Variants in GART observed in about 807,000 individuals in gnomAD.
GART encodes the protein trifunctional purine biosynthetic protein adenosine-3.
GART carries 43 observed loss-of-function variants against 107.2 expected under a neutral mutation model. That is an observed-to-expected ratio of 0.40 (90% confidence interval 0.31 to 0.52). The LOEUF (loss-of-function observed/expected upper bound fraction) is 0.52, where lower values mean the gene tolerates loss of function less well. Ranked by LOEUF, GART falls within the 20% of genes least tolerant of loss-of-function variation. The pLI, the probability that GART is intolerant of heterozygous loss-of-function variation, is 0.52. For missense variants in GART, 1,107 were observed against 1,206.5 expected, an observed-to-expected ratio of 0.92 and a Z score of 1.22; for synonymous variants, 434 against 427.0, an observed-to-expected ratio of 1.02 and a Z score of -0.20.
chr21:33,521,877 T>TG (rs2084979179), intron 12 of GART, among the ~76,000 whole-genome samples: 1 of 149,180 alleles, frequency 6.7e-6, no homozygotes, highest in Admixed American at 6.7e-5. Flanking sequence ...GAGAATCGCT[T>TG]GAAATCAGGA....
chr21:33,514,542 A>G (rs2084843462), intron 16 of GART, among the ~76,000 whole-genome samples: 1 of 152,212 alleles, frequency 6.6e-6, no homozygotes, highest in African/African-American at 2.4e-5. Context: ...TAAAGCAGCT[A>G]TGATGGGAGT....
intron 18 of GART, among the ~76,000 whole-genome samples, chr21:33,507,613 A>G (rs1309004610): frequency 1.3e-5 from 2 of 152,176 alleles, no homozygotes; most frequent in African/African-American, 4.8e-5. Flanking sequence ...ACTGAGGTCA[A>G]GAGTTCAAGA....
intron 4 of GART, among the ~76,000 whole-genome samples, chr21:33,533,758 A>C (rs1312665208): frequency 2.0e-5 from 3 of 152,054 alleles, no homozygotes; most frequent in Non-Finnish European, 4.4e-5. Flanking sequence ...TATAAAAACT[A>C]GCTGGGAGTA....
intron 14 of GART, 84 bp from the exon 15 acceptor site, chr21:33,517,692 A>C (rs528566554): frequency 7.4e-7 from 1 of 1,347,468 alleles, no homozygotes; most frequent in Non-Finnish European, 1.0e-6. Context: ...TCTTAACATG[A>C]ACAACTAACA....
At chr21:33,534,789 G>T in intron 3 of GART, 36 bp from the exon 4 acceptor site, 1 of 1,518,730 alleles carries the variant, frequency 6.6e-7, no homozygotes, top group South Asian at 1.3e-5. Context: ...GTGAACCAAG[G>T]TCTCCCCAGG....
chr21:33,524,983 C>T lies in GART; in HGVS notation c.1084G>A (p.Ala362Thr), dbSNP rs2085044161. Residue 362 changes from alanine to threonine, a missense_variant, in exon 11 of 22, where the codon GCT becomes ACT. Coordinates refer to ENST00000381815, the MANE Select transcript of GART (RefSeq NM_000819.5). ...GCATGGAACACCTCCAGTCCTAGAG[C>T]TTGAGCCTCAGGAAACCCTAGAAGA... ...VEITGFPEAQ[A>T]LGLEVFHAGT... is the part of the protein sequence containing the mutation. 6.2e-7 allele frequency: 1 copy of T among 1,614,098 alleles called. No individual in the cohort carries two copies. Among genetic ancestry groups the T allele is most frequent in the African/African-American group, 1.3e-5 (1 of 75,034 alleles).
intron 3 of GART, 65 bp from the exon 4 acceptor site, chr21:33,534,818 C>T (rs920031959): frequency 1.1e-5 from 15 of 1,389,490 alleles, no homozygotes; most frequent in Admixed American, 2.5e-5. Flanking sequence ...AGCCTGAAGA[C>T]GAATTAGTAT....
chr21:33,524,724 C>A lies in GART; in HGVS notation c.1298+45G>T, dbSNP rs770492060. ...GAAATGTTCTACATAGCCATTTAGG[C>A]CAGTTTCTGAAATGGCACTACAGCT... is the stretch of plus-strand genomic sequence containing the variant. On this transcript the variant is annotated intron_variant, in intron 11 of 21. Transcript: ENST00000381815. 7 of 1,612,388 alleles carry A rather than the reference C, an allele frequency of 4.3e-6. No individual in the cohort carries two copies. In the African/African-American group the frequency reaches 8.0e-5, roughly 18 times the overall value.
chr21:33,504,105 A>G lies in GART; in HGVS notation c.*19T>C, dbSNP rs751206024. 75 of 1,580,116 alleles carry G rather than the reference A, an allele frequency of 4.7e-5. No individual in the cohort carries two copies. Among genetic ancestry groups the G allele is most frequent in the Non-Finnish European group, 6.2e-5 (72 of 1,160,842 alleles). The stretch of plus-strand genomic sequence containing the variant: ...AAATAATTCTTTCTAAACTGGCCCC[A>G]TTTCTGAATTAAAAGGCTTCATTCC... On this transcript the variant is annotated 3_prime_UTR_variant, in exon 22 of 22. Transcript: ENST00000381815.
chr21:33,508,880 G>A (rs2145679681), intron 18 of GART, among the ~76,000 whole-genome samples: 1 of 152,222 alleles, frequency 6.6e-6, no homozygotes, highest in South Asian at 2.1e-4. Flanking sequence ...GTGAGAACAT[G>A]CAATATCTGG....
At position 33,505,705 on chromosome 21, in the gene GART, G is replaced by A. The variant is rs1324395704; in HGVS notation, c.2584-3C>T. On this transcript the variant is annotated splice_region_variant and splice_polypyrimidine_tract_variant and intron_variant, in intron 19 of 21. Coordinates refer to ENST00000381815, the MANE Select transcript of GART (RefSeq NM_000819.5). ...TTATACAGTTTATGATTAATTACCT[G>A]TAATAGAAAAAGATAAGCACAACCC... The A allele has an allele frequency of 1.3e-6, 2 of 1,584,436 alleles. No individual in the cohort carries two copies. Among genetic ancestry groups the A allele is most frequent in the Non-Finnish European group, 8.6e-7 (1 of 1,169,512 alleles).
At chr21:33,516,491 T>G (rs2145702063) in intron 16 of GART, among the ~76,000 whole-genome samples, 1 of 152,288 alleles carries the variant, frequency 6.6e-6, no homozygotes. Context: ...CACTGAAGAT[T>G]TAAAAACCTT....
intron 3 of GART, among the ~76,000 whole-genome samples, 189 bp downstream of exon 3, chr21:33,535,036 T>C (rs932167213): frequency 1.3e-5 from 2 of 152,230 alleles, no homozygotes; most frequent in African/African-American, 4.8e-5. Flanking sequence ...GGCTGCAAAT[T>C]TGATCTCTAA....
intron 16 of GART, among the ~76,000 whole-genome samples, chr21:33,515,709 G>A (rs528379120): frequency 4.0e-5 from 6 of 151,222 alleles, no homozygotes; most frequent in East Asian, 1.9e-4. Context: ...ACACAGGGAG[G>A]GAGGACTCTG....
intron 10 of GART, 51 bp downstream of exon 10, chr21:33,528,116 G>GT: frequency 1.9e-6 from 3 of 1,563,518 alleles, no homozygotes; most frequent in Non-Finnish European, 2.6e-6. Flanking sequence ...GTCTGCTGTG[G>GT]TGCTGGCACT....
chr21:33,518,635 G>A (rs1206416038), intron 14 of GART: 2 of 380,058 alleles, frequency 5.3e-6, no homozygotes, highest in African/African-American at 4.2e-5. Context: ...GCAGCTCCTA[G>A]TTACTTCATA....
chr21:33,517,533 A>T lies in GART; in HGVS notation c.1778T>A (p.Met593Lys), dbSNP rs766393455. 1 of 1,614,226 alleles carries T rather than the reference A, an allele frequency of 6.2e-7. No homozygotes were observed. ...GTGAGGGAGTTTCTGATCTCGCTCCATGGCACCAACGGCAAACCCAGCTAG... is the reference window on the plus strand; with the variant it reads ...GTGAGGGAGTTTCTGATCTCGCTCCTTGGCACCAACGGCAAACCCAGCTAG... ...YDLAGFAVGA[M>K]ERDQKLPHLE... The change falls in exon 15 of 22, where the codon ATG (methionine) becomes AAG (lysine). Residue 593 changes from methionine to lysine, a missense_variant. Physicochemically the swap from Met to Lys is moderately conservative, Grantham distance 95. Transcript: ENST00000381815.
At chr21:33,539,025 A>G (rs1262635874) in intron 2 of GART, 146 bp downstream of exon 2, 6 of 598,614 alleles carry the variant, frequency 1.0e-5, no homozygotes, top group African/African-American at 3.9e-5. Flanking sequence ...CATGATCCGC[A>G]TATCTCGGCC....
intron 16 of GART, among the ~76,000 whole-genome samples, chr21:33,515,652 CAAAAAAAAAA>C (rs71194850): frequency 4.6e-3 from 166 of 35,860 alleles, no homozygotes; most frequent in Middle Eastern, 0.042. Flanking sequence ...GACTCCAACT[CAAAAAAAAAA>C]AAAAAAAAAA....
Sources: gnomAD v4.1 joint callset for allele counts (sites outside exome capture counted in the v4.1 genomes callset) on GRCh38, gnomAD v4.1.1 for gene constraint, MANE v1.5 for transcripts, NCBI Gene and HGNC (gene_info 2026-07-23, HGNC 2026-07-21) for gene names.